TOX2: variants seen among roughly 807,000 people sequenced by gnomAD.
TOX2 encodes TOX high mobility group box family member 2.
Under a neutral mutation model 47.4 loss-of-function variants are expected in TOX2, and 15 were observed. The ratio of observed to expected loss-of-function variants is 0.32; its 90% confidence interval spans 0.21 to 0.49. TOX2 has a LOEUF of 0.49. Ranked by LOEUF, TOX2 falls within the 20% of genes least tolerant of loss-of-function variation. The pLI is 0.99. For synonymous variants in TOX2, 290 were observed against 296.6 expected (o/e 0.98, Z 0.23); for missense variants, 622 against 673.1 (o/e 0.92, Z 0.84).
intron 1 of TOX2, chr20:43,945,733 A>T (rs2069458136): frequency 1.0e-5 from 9 of 899,408 alleles, no homozygotes; most frequent in Non-Finnish European, 3.2e-6. Flanking sequence ...GCAGGCCCAA[A>T]TTGGAATAGG....
chr20:44,033,861 A>G (rs929500336), intron 3 of TOX2, among the ~76,000 whole-genome samples: 1 of 151,982 alleles, frequency 6.6e-6, no homozygotes, highest in African/African-American at 2.4e-5. Flanking sequence ...GTGGTAATTT[A>G]TTACAGTAGC....
chr20:44,016,692 G>GC (rs1332211191), intron 3 of TOX2, among the ~76,000 whole-genome samples: 1 of 152,094 alleles, frequency 6.6e-6, no homozygotes, highest in Admixed American at 6.5e-5. Context: ...GAGAGCCTCC[G>GC]CCTGCTGTTC....
At chr20:44,064,392 A>G (rs2071772980) in intron 5 of TOX2, among the ~76,000 whole-genome samples, 1 of 152,232 alleles carries the variant, frequency 6.6e-6, no homozygotes, top group South Asian at 2.1e-4. Flanking sequence ...CCAAACTAAC[A>G]TACTATGAAC....
chr20:44,066,123 C>T lies in TOX2; in HGVS notation c.1356+16C>T. On this transcript the variant is annotated intron_variant, in intron 7 of 8. Coordinates refer to ENST00000341197, the MANE Select transcript of TOX2 (RefSeq NM_001098797.2). ...AGGGCCACAGGTAAGCAGGGAAGAG[C>T]AGAACAGCCCTTCTGTGACCGTGTG... 2 of 1,516,068 alleles carry T rather than the reference C, an allele frequency of 1.3e-6. No individual in the cohort carries two copies. The highest frequency in any genetic ancestry group is 1.3e-5 in the South Asian group (1 of 77,042). The allele number at this position is 1,516,068 out of a possible 1,614,324, so 93.9% of individuals were successfully genotyped here. A position where few individuals can be genotyped will look rare whatever the true frequency, so the allele number is the denominator to read the frequency against.
Position 44,035,997 on chromosome 20 carries a change from G to A in TOX2, c.412-15309G>A, listed in dbSNP as rs6073296. 5.3e-3 allele frequency among the ~76,000 whole-genome samples: 810 copies of A among 152,324 alleles called. 8 individuals carry two copies. The highest frequency in any genetic ancestry group is 7.6e-3 in the Non-Finnish European group (515 of 68,022). On this transcript the variant is annotated intron_variant, in intron 3 of 8. Coordinates refer to ENST00000341197, the MANE Select transcript of TOX2 (RefSeq NM_001098797.2). ...TGTCCCAAATTGAGTCAACGGGGCT[G>A]GGCCTTTGAACCCCCACATCAGTGA...
intron 2 of TOX2, among the ~76,000 whole-genome samples, chr20:43,983,226 A>G (rs1254579943): frequency 1.3e-5 from 2 of 152,096 alleles, no homozygotes; most frequent in Non-Finnish European, 2.9e-5. Context: ...TCCTCATGCT[A>G]CAGAATGAGG....
chr20:43,987,912 C>CTTTTTTTTT (rs762084312), intron 2 of TOX2, among the ~76,000 whole-genome samples: 4 of 69,978 alleles, frequency 5.7e-5, no homozygotes, highest in African/African-American at 1.2e-4. Flanking sequence ...ATATCAACAT[C>CTTTTTTTTT]TTTTTTTTTT....
At chr20:44,000,193 G>A (rs2070550518) in intron 2 of TOX2, among the ~76,000 whole-genome samples, 1 of 152,208 alleles carries the variant, frequency 6.6e-6, no homozygotes, top group African/African-American at 2.4e-5. Context: ...GAGCTCTAGA[G>A]GGTTGTGAGC....
At chr20:43,989,577 C>G (rs926654642) in intron 2 of TOX2, among the ~76,000 whole-genome samples, 12 of 152,018 alleles carry the variant, frequency 7.9e-5, no homozygotes, top group Non-Finnish European at 1.5e-5. Context: ...GTCAGGAGTT[C>G]GAGACCAGCC....
chr20:43,962,882 T>C (rs542391400), intron 1 of TOX2, among the ~76,000 whole-genome samples: 9 of 152,328 alleles, frequency 5.9e-5, no homozygotes, highest in Non-Finnish European at 1.3e-4. Context: ...AAGAAACAGG[T>C]GACATTAATT....
chr20:44,029,540 C>T (rs919947829), intron 3 of TOX2, among the ~76,000 whole-genome samples: 1 of 152,108 alleles, frequency 6.6e-6, no homozygotes, highest in Non-Finnish European at 1.5e-5. Flanking sequence ...ACAGCAGCAG[C>T]GACCTCACAG....
intron 3 of TOX2, among the ~76,000 whole-genome samples, chr20:44,040,553 T>C (rs1227114849): frequency 6.6e-6 from 1 of 152,214 alleles, no homozygotes; most frequent in Non-Finnish European, 1.5e-5. Context: ...GCAAGTCTCT[T>C]GGCCTGAGAC....
chr20:43,948,762 G>A (rs1019548582), intron 1 of TOX2, among the ~76,000 whole-genome samples: 7 of 152,226 alleles, frequency 4.6e-5, no homozygotes, highest in Non-Finnish European at 1.0e-4. Flanking sequence ...ATATAGATGG[G>A]GAGATGGGGA....
At position 43,991,614 on chromosome 20, in the gene TOX2, C is replaced by CATTATTATT. The variant is rs143981680; in HGVS notation, c.166-14896_166-14888dup. Among the ~76,000 whole-genome samples the CATTATTATT allele has an allele frequency of 9.8e-3, 1,395 of 141,672 alleles. 21 individuals are homozygous for CATTATTATT. The highest frequency in any genetic ancestry group is 0.033 in the African/African-American group (1,287 of 38,622). 92.9% of individuals were successfully genotyped at this position (141,672 alleles called of 152,430 possible). On this transcript the variant is annotated intron_variant, in intron 2 of 8. Coordinates refer to ENST00000341197, the MANE Select transcript of TOX2 (RefSeq NM_001098797.2). ...CCTAGTGAAGGGGACAGGCAATAAT[C>CATTATTATT]ATTATTATTATTATTATTATTATTA...
chr20:44,036,532 G>A, intron 3 of TOX2, among the ~76,000 whole-genome samples: 1 of 152,244 alleles, frequency 6.6e-6, no homozygotes, highest in East Asian at 1.9e-4. Context: ...TCAGTGTCTG[G>A]CAAATGCTAC....
intron 5 of TOX2, among the ~76,000 whole-genome samples, chr20:44,057,647 A>G (rs1184003459): frequency 6.6e-6 from 1 of 152,236 alleles, no homozygotes; most frequent in Admixed American, 6.5e-5. Flanking sequence ...TGACACTAAA[A>G]CATAATGAAG....
At chr20:43,993,665 G>A (rs576436598) in intron 2 of TOX2, among the ~76,000 whole-genome samples, 33 of 152,230 alleles carry the variant, frequency 2.2e-4, no homozygotes, top group African/African-American at 7.5e-4. Context: ...TGGAACATGG[G>A]ATCCTCCTAA....
intron 1 of TOX2, among the ~76,000 whole-genome samples, chr20:43,951,460 C>T (rs2069564967): frequency 6.6e-6 from 1 of 151,872 alleles, no homozygotes; most frequent in East Asian, 1.9e-4. Context: ...ACCTGTAATC[C>T]CAGCTACTCG....
intron 7 of TOX2, 106 bp downstream of exon 7, chr20:44,066,213 G>A: frequency 7.8e-7 from 1 of 1,282,258 alleles, no homozygotes; most frequent in East Asian, 2.6e-5. Context: ...TATAACCTCA[G>A]CCTTGGCACC....
Sources: allele counts gnomAD v4.1 joint callset (sites outside exome capture counted in the v4.1 genomes callset), GRCh38; gene constraint gnomAD v4.1.1; transcripts MANE v1.5; gene names NCBI Gene and HGNC (gene_info 2026-07-23, HGNC 2026-07-21).